OR51B5: variants seen among roughly 807,000 people sequenced by gnomAD.
OR51B5 encodes the protein olfactory receptor 51B5.
For synonymous variants in OR51B5, 186 were observed against 144.8 expected (o/e 1.28, Z -2.04); for missense variants, 456 against 374.6 (o/e 1.22, Z -1.79).
chr11:5,450,092 T>C (rs1850820815), intron 1 of OR51B5, among the ~76,000 whole-genome samples: 1 of 152,100 alleles, frequency 6.6e-6, no homozygotes, highest in Non-Finnish European at 1.5e-5. Context: ...AGAATGTCCT[T>C]AAAAATAAGA....
At chr11:5,376,562 C>T (rs536256516) in intron 1 of OR51B5, among the ~76,000 whole-genome samples, 2 of 152,148 alleles carry the variant, frequency 1.3e-5, no homozygotes, top group South Asian at 4.2e-4. Context: ...TGATAGACCG[C>T]TAGCAAGACT....
intron 1 of OR51B5, among the ~76,000 whole-genome samples, chr11:5,388,602 C>A (rs1589968992): frequency 6.8e-6 from 1 of 147,860 alleles, no homozygotes; most frequent in African/African-American, 2.5e-5. Flanking sequence ...CGTGAATATA[C>A]AGAGGAAATT....
chr11:5,368,239 G>T (rs543558937), intron 1 of OR51B5, among the ~76,000 whole-genome samples: 2 of 152,292 alleles, frequency 1.3e-5, no homozygotes, highest in South Asian at 2.1e-4. Context: ...GTCTTATGCA[G>T]TAGTTTTGGG....
At chr11:5,374,527 C>G (rs1564791465) in intron 1 of OR51B5, among the ~76,000 whole-genome samples, 1 of 152,088 alleles carries the variant, frequency 6.6e-6, no homozygotes, top group Non-Finnish European at 1.5e-5. Flanking sequence ...GACGATGAAA[C>G]TACTCCGAGC....
chr11:5,475,623 T>C (rs933379354), intron 1 of OR51B5, among the ~76,000 whole-genome samples: 1 of 152,230 alleles, frequency 6.6e-6, no homozygotes, highest in Non-Finnish European at 1.5e-5. Context: ...TGCAGAGTTA[T>C]GATTAAATGA....
rs1849975894 is a variant in OR51B5, at chr11:5,401,914, TC to T, written n.85-55005del. 3.3e-5 allele frequency among the ~76,000 whole-genome samples: 5 copies of T among 151,382 alleles called. 1 individual carries two copies. The South Asian group carries it at 1.1e-3, about 32-fold the overall frequency. Reference sequence around the variant, plus strand: ...TTCCTTCCTTCCTTTTCTTTCTCTCTCTCTCTTCTTTCCTTTTCTTTTATTA... The same window carrying T: ...TTCCTTCCTTCCTTTTCTTTCTCTCTTCTCTTCTTTCCTTTTCTTTTATTA... On this transcript the variant is annotated intron_variant and non_coding_transcript_variant, in intron 1 of 4. Transcript: ENST00000415970.
chr11:5,430,675 G>T (rs867837693), intron 1 of OR51B5: 2 of 455,008 alleles, frequency 4.4e-6, no homozygotes, highest in Non-Finnish European at 8.9e-6. Context: ...CCTCTTGCAG[G>T]AAAACAAGGT....
chr11:5,488,709 G>A (rs1176327644), intron 1 of OR51B5: 2 of 1,609,238 alleles, frequency 1.2e-6, no homozygotes, highest in African/African-American at 1.3e-5. Context: ...CAGGAAGAAT[G>A]TCAGATTCCA....
At chr11:5,504,651 C>A (rs1380527082) in intron 1 of OR51B5, among the ~76,000 whole-genome samples, 2 of 152,198 alleles carry the variant, frequency 1.3e-5, no homozygotes, top group African/African-American at 4.8e-5. Flanking sequence ...CCTGTGACAT[C>A]TTTAATTTGA....
chr11:5,365,113 G>C (rs148177406), intron 1 of OR51B5, among the ~76,000 whole-genome samples: 59 of 152,322 alleles, frequency 3.9e-4, no homozygotes, highest in African/African-American at 1.4e-3. Flanking sequence ...TTGAATTCAA[G>C]TGGTAGCTTA....
intron 1 of OR51B5, among the ~76,000 whole-genome samples, chr11:5,424,675 AAGTAGCATT>A (rs1319803718): frequency 6.6e-6 from 1 of 151,950 alleles, no homozygotes; most frequent in African/African-American, 2.4e-5. Flanking sequence ...CTGTCTCTGT[AAGTAGCATT>A]AGAAGTGAAA....
At chr11:5,422,388 T>A (rs1281458426) in intron 1 of OR51B5, 1 of 1,614,082 alleles carries the variant, frequency 6.2e-7, no homozygotes, top group African/African-American at 1.3e-5. Context: ...CGCATGTATC[T>A]GTTTCTCTCC....
At chr11:5,492,201 C>T (rs1564832149) in intron 1 of OR51B5, among the ~76,000 whole-genome samples, 1 of 152,070 alleles carries the variant, frequency 6.6e-6, no homozygotes, top group East Asian at 1.9e-4. Flanking sequence ...GAATTCACCT[C>T]ACCCCACCAA....
chr11:5,460,059 C>T (rs1851024996), intron 1 of OR51B5, among the ~76,000 whole-genome samples: 1 of 148,978 alleles, frequency 6.7e-6, no homozygotes, highest in Non-Finnish European at 1.5e-5. Flanking sequence ...AAAAATAAAG[C>T]CATAAAAAAT....
intron 1 of OR51B5, chr11:5,402,610 A>G (rs563933729): frequency 1.1e-5 from 5 of 470,180 alleles, no homozygotes; most frequent in Middle Eastern, 3.3e-4. Flanking sequence ...AAAATTTCTA[A>G]TAACTCTTTG....
At chr11:5,423,087 T>C (rs991720328) in intron 1 of OR51B5, 1 of 1,613,862 alleles carries the variant, frequency 6.2e-7, no homozygotes, top group African/African-American at 1.3e-5. Context: ...ATTTACAGTG[T>C]AAAGAACAAG....
At chr11:5,373,469 C>G (rs926827490) in intron 1 of OR51B5, among the ~76,000 whole-genome samples, 1 of 152,086 alleles carries the variant, frequency 6.6e-6, no homozygotes, top group African/African-American at 2.4e-5. Flanking sequence ...GAGTGCCAGA[C>G]AGTGGGCACA....
At chr11:5,386,761 T>G (rs1849701442) in intron 1 of OR51B5, among the ~76,000 whole-genome samples, 1 of 151,758 alleles carries the variant, frequency 6.6e-6, no homozygotes, top group South Asian at 2.1e-4. Flanking sequence ...GAGATGAAGA[T>G]GAATAGATTA....
intron 1 of OR51B5, among the ~76,000 whole-genome samples, chr11:5,417,477 A>C (rs1024535066): frequency 1.3e-5 from 2 of 151,570 alleles, no homozygotes; most frequent in Non-Finnish European, 2.9e-5. Flanking sequence ...AACTACCATC[A>C]GAGTGAACAG....
Sources: gnomAD v4.1 joint callset for allele counts (sites outside exome capture counted in the v4.1 genomes callset) on GRCh38, gnomAD v4.1.1 for gene constraint, MANE v1.5 for transcripts, NCBI Gene and HGNC (gene_info 2026-07-23, HGNC 2026-07-21) for gene names.